BICD1: variants seen among roughly 807,000 people sequenced by gnomAD.
The protein encoded by BICD1 is BICD cargo adaptor 1.
BICD1 carries 35 observed loss-of-function variants against 92.5 expected under a neutral mutation model. The observed-to-expected ratio is 0.38, with a 90% CI of 0.29 to 0.50. The LOEUF (loss-of-function observed/expected upper bound fraction) is 0.50. Among genes scored for constraint, BICD1 ranks in the 20% least tolerant of loss-of-function variants. BICD1 has a pLI of 0.93. For missense variants in BICD1, 950 were observed against 1,189.8 expected (o/e 0.80, Z 2.97); for synonymous variants, 429 against 465.1 (o/e 0.92, Z 1.00).
intron 2 of BICD1, among the ~76,000 whole-genome samples, chr12:32,263,817 T>C (rs916192384): frequency 6.6e-6 from 1 of 152,204 alleles, no homozygotes; most frequent in Non-Finnish European, 1.5e-5. Flanking sequence ...ACTATAGTTT[T>C]CTTGAAGCGA....
chr12:32,348,332 T>G (rs1446816404), intron 8 of BICD1, among the ~76,000 whole-genome samples: 3 of 152,184 alleles, frequency 2.0e-5, no homozygotes, highest in Non-Finnish European at 4.4e-5. Context: ...TATTGACTAT[T>G]TTAGTACCAT....
At chr12:32,266,306 A>G (rs1946994238) in intron 2 of BICD1, among the ~76,000 whole-genome samples, 3 of 152,192 alleles carry the variant, frequency 2.0e-5, no homozygotes, top group African/African-American at 7.2e-5. Flanking sequence ...TTTTCTGGAA[A>G]TTTCAAATTT....
chr12:32,206,782 C>T lies in BICD1; in HGVS notation c.214-9465C>T, dbSNP rs115539385. The stretch of plus-strand genomic sequence containing the variant: ...GGATTATTAATATGAAGTATATATC[C>T]AGTAGACTACTTTATAACAATGAAA... On this transcript the variant is annotated intron_variant, in intron 1 of 9. Transcript: ENST00000652176. Among the ~76,000 whole-genome samples, 1,215 of 152,192 alleles carry T rather than the reference C, an allele frequency of 8.0e-3. 20 individuals carry two copies. Among genetic ancestry groups the T allele is most frequent in the African/African-American group, 0.028 (1,176 of 41,528 alleles).
chr12:32,210,934 G>A (rs1945196710), intron 1 of BICD1, among the ~76,000 whole-genome samples: 1 of 152,246 alleles, frequency 6.6e-6, no homozygotes, highest in Non-Finnish European at 1.5e-5. Context: ...CTCAGGAGGT[G>A]ATGGTGAAAG....
intron 2 of BICD1, chr12:32,228,275 G>A (rs1945764906): frequency 6.6e-6 from 1 of 152,300 alleles, no homozygotes; most frequent in Non-Finnish European, 1.5e-5. Context: ...TTGTCCATTT[G>A]TTGAAAAGAC....
intron 1 of BICD1, among the ~76,000 whole-genome samples, chr12:32,113,302 A>T (rs1941765857): frequency 6.6e-6 from 1 of 152,138 alleles, no homozygotes; most frequent in Non-Finnish European, 1.5e-5. Flanking sequence ...CTCAGGCTGG[A>T]TAGGAGGTGG....
intron 1 of BICD1, among the ~76,000 whole-genome samples, chr12:32,130,322 G>C (rs916274456): frequency 6.6e-6 from 1 of 151,864 alleles, no homozygotes; most frequent in African/African-American, 2.4e-5. Context: ...TCCTGCCTCA[G>C]CCTCCCAAGT....
chr12:32,355,677 G>A (rs56141196), intron 8 of BICD1, among the ~76,000 whole-genome samples: 9,381 of 151,908 alleles, frequency 0.062, 408 homozygotes, highest in Middle Eastern at 0.13. Flanking sequence ...TAGCATGCAC[G>A]TGTAATCCCA....
At chr12:32,321,383 G>T (rs1333429740) in intron 4 of BICD1, among the ~76,000 whole-genome samples, 1 of 152,010 alleles carries the variant, frequency 6.6e-6, no homozygotes, top group Non-Finnish European at 1.5e-5. Context: ...ATTTCTATGG[G>T]ATATAGGAAC....
chr12:32,355,653 T>C (rs1388527012), intron 8 of BICD1, among the ~76,000 whole-genome samples: 3 of 151,832 alleles, frequency 2.0e-5, no homozygotes, highest in East Asian at 3.9e-4. Context: ...AATACAAAAA[T>C]TAGCTGGGCG....
At position 32,328,878 on chromosome 12, in the gene BICD1, A is replaced by G. The variant is rs1937689014; in HGVS notation, c.2100+323A>G. On this transcript the variant is annotated intron_variant, in intron 5 of 9. Transcript: ENST00000652176. This position sits in a 1 kb window ranked among gnomAD's most constrained non-coding sequence, Gnocchi z 4.4. Reference sequence around the variant, plus strand: ...AGCCTGGCAGTGAGTGGCTGTGGAAACAGGAGATGGAGGGTGGCAGAATAG... The same window carrying G: ...AGCCTGGCAGTGAGTGGCTGTGGAAGCAGGAGATGGAGGGTGGCAGAATAG... Among the ~76,000 whole-genome samples, 1 of 152,072 alleles carries G rather than the reference A, an allele frequency of 6.6e-6. No homozygotes were observed. The highest frequency in any genetic ancestry group is 1.5e-5 in the Non-Finnish European group (1 of 68,014).
chr12:32,187,671 C>CA (rs931141910), intron 1 of BICD1, among the ~76,000 whole-genome samples: 5 of 150,116 alleles, frequency 3.3e-5, no homozygotes, highest in Admixed American at 1.3e-4. Context: ...GACTCCATAT[C>CA]AAAAAAAAGG....
At chr12:32,303,595 A>G (rs1948125560) in intron 3 of BICD1, among the ~76,000 whole-genome samples, 1 of 152,182 alleles carries the variant, frequency 6.6e-6, no homozygotes, top group South Asian at 2.1e-4. Flanking sequence ...CCTTAAAGGG[A>G]GACAGTGTGC....
intron 1 of BICD1, among the ~76,000 whole-genome samples, chr12:32,192,159 C>A (rs667847): frequency 1.1e-4 from 16 of 152,180 alleles, no homozygotes; most frequent in Admixed American, 1.0e-3. Flanking sequence ...AGGCCAGGTG[C>A]GGTGGCTCAC....
At chr12:32,217,584 T>C (rs1322784140) in intron 2 of BICD1, among the ~76,000 whole-genome samples, 2 of 152,182 alleles carry the variant, frequency 1.3e-5, no homozygotes, top group Admixed American at 6.5e-5. Context: ...GCAATATGAC[T>C]TGTGAAGACA....
chr12:32,278,823 G>A (rs935957419), intron 2 of BICD1, among the ~76,000 whole-genome samples: 5 of 152,068 alleles, frequency 3.3e-5, no homozygotes, highest in East Asian at 1.9e-4. Flanking sequence ...GCCACTGCAC[G>A]CCAGCCTGGG....
At chr12:32,312,505 A>G (rs1475931554) in intron 4 of BICD1, among the ~76,000 whole-genome samples, 1 of 152,188 alleles carries the variant, frequency 6.6e-6, no homozygotes, top group Non-Finnish European at 1.5e-5. Context: ...GAAGGTCCCC[A>G]CTATCCCTGT....
At chr12:32,270,284 C>T (rs1023561127) in intron 2 of BICD1, among the ~76,000 whole-genome samples, 1 of 151,768 alleles carries the variant, frequency 6.6e-6, no homozygotes, top group African/African-American at 2.4e-5. Flanking sequence ...GTACTATATT[C>T]GTATTATAGC....
rs141301415 is a variant in BICD1, at chr12:32,187,092, T to G, written c.214-29155T>G. Among the ~76,000 whole-genome samples, 348 of 152,338 alleles carry G rather than the reference T, an allele frequency of 2.3e-3. 3 individuals are homozygous for G. Among genetic ancestry groups the G allele is most frequent in the African/African-American group, 7.9e-3 (327 of 41,580 alleles). Reference sequence around the variant, plus strand: ...CTCTAAAATTCCAGGTCTTTTCTTTTTTCTGACTTTAGGTCAGGTCTTTTC... The same window carrying G: ...CTCTAAAATTCCAGGTCTTTTCTTTGTTCTGACTTTAGGTCAGGTCTTTTC... On this transcript the variant is annotated intron_variant, in intron 1 of 9. Coordinates refer to ENST00000652176, the MANE Select transcript of BICD1 (RefSeq NM_001714.4).
Sources: allele counts gnomAD v4.1 joint callset (sites outside exome capture counted in the v4.1 genomes callset), GRCh38; gene constraint gnomAD v4.1.1; non-coding constraint Gnocchi (gnomAD v3.1); transcripts MANE v1.5; gene names NCBI Gene and HGNC (gene_info 2026-07-23, HGNC 2026-07-21).